WDFY4: variants seen among roughly 807,000 people sequenced by gnomAD.
WDFY4 encodes the protein WDFY family member 4, also known as WD repeat- and FYVE domain-containing protein 4.
In WDFY4, 169 loss-of-function variants were observed where a neutral mutation model predicts 351.9. That is an observed-to-expected ratio of 0.48 (90% confidence interval 0.42 to 0.55). The LOEUF is 0.55. Ranked by LOEUF, WDFY4 falls within the 20% of genes least tolerant of loss-of-function variation. WDFY4 has a pLI of 0.00. For missense variants in WDFY4, 3,803 were observed against 3,935.6 expected (o/e 0.97, Z 0.90); for synonymous variants, 1,622 against 1,574.6 (o/e 1.03, Z -0.71).
At chr10:48,703,752 C>A (rs954105181) in intron 1 of WDFY4, among the ~76,000 whole-genome samples, 1 of 152,212 alleles carries the variant, frequency 6.6e-6, no homozygotes, top group Non-Finnish European at 1.5e-5. Flanking sequence ...TACTTAGCAG[C>A]CCAAATATCA....
chr10:48,833,206 C>T (rs946725638), intron 39 of WDFY4, among the ~76,000 whole-genome samples: 7 of 143,176 alleles, frequency 4.9e-5, no homozygotes, highest in Middle Eastern at 3.9e-3. Context: ...AGATCAGGAA[C>T]GTTGTTGTAA....
At chr10:48,737,474 T>C (rs942378296) in intron 11 of WDFY4, among the ~76,000 whole-genome samples, 4 of 152,220 alleles carry the variant, frequency 2.6e-5, no homozygotes, top group African/African-American at 9.6e-5. Flanking sequence ...GTTTGTTTCA[T>C]CATACTTACT....
intron 47 of WDFY4, among the ~76,000 whole-genome samples, chr10:48,927,779 A>G (rs1422348394): frequency 1.3e-5 from 2 of 152,198 alleles, no homozygotes; most frequent in African/African-American, 4.8e-5. Context: ...CGGCCCAATA[A>G]CAAAAGATTA....
intron 39 of WDFY4, among the ~76,000 whole-genome samples, chr10:48,865,014 G>A (rs1007107698): frequency 5.9e-5 from 9 of 152,072 alleles, no homozygotes; most frequent in Non-Finnish European, 1.0e-4. Flanking sequence ...TGTGAACAGA[G>A]GTGTTTTTCT....
At chr10:48,893,065 C>T (rs1015239576) in intron 44 of WDFY4, among the ~76,000 whole-genome samples, 4 of 152,234 alleles carry the variant, frequency 2.6e-5, no homozygotes, top group Non-Finnish European at 5.9e-5. Context: ...GGCCATGCTT[C>T]CTCTGACTGC....
In WDFY4 at chr10:48,743,084, G is replaced by A. The variant is rs933999706; in HGVS notation, c.1995G>A (p.Pro665=). The change falls in exon 12 of 62, where the codon CCG becomes CCA. Residue 665 remains proline, a synonymous_variant. Coordinates refer to ENST00000325239, the MANE Select transcript of WDFY4 (RefSeq NM_001394531.1). ...TGGAAGGCTCCCTCCAGGAGCCCCC[G>A]CTGCAGGCATGGGGAGCAGTATCCC... is the stretch of plus-strand genomic sequence containing the variant. The part of the protein sequence containing the change: ...SDLEGSLQEP[P]LQAWGAVSPR... 26 of 1,551,536 alleles carry A rather than the reference G, an allele frequency of 1.7e-5. No individual in the cohort carries two copies. The highest frequency in any genetic ancestry group is 4.1e-5 in the African/African-American group (3 of 73,022).
chr10:48,923,725 T>C lies in WDFY4; in HGVS notation c.7587-18081T>C, dbSNP rs79676708. Reference sequence around the variant, plus strand: ...ACAGTAATCAGGCCCAGTCCTCAAGTTGAAATAGTTCAAATCTAGATTCTC... The same window carrying C: ...ACAGTAATCAGGCCCAGTCCTCAAGCTGAAATAGTTCAAATCTAGATTCTC... On this transcript the variant is annotated intron_variant, in intron 47 of 61. Transcript: ENST00000325239. 1.6e-3 allele frequency among the ~76,000 whole-genome samples: 240 copies of C among 152,184 alleles called. 1 individual carries two copies. The highest frequency in any genetic ancestry group is 0.014 in the Middle Eastern group (4 of 294).
intron 44 of WDFY4, among the ~76,000 whole-genome samples, chr10:48,893,273 G>C (rs1448307700): frequency 6.6e-6 from 1 of 152,136 alleles, no homozygotes; most frequent in Admixed American, 6.5e-5. Flanking sequence ...GTTGGATTTG[G>C]ACCCATCCCA....
At chr10:48,828,930 G>T (rs554350787) in intron 37 of WDFY4, 34 bp downstream of exon 37, 3,151 of 304,370 alleles carry the variant, frequency 0.01, 197 homozygotes, top group African/African-American at 0.073. Context: ...GTGTGGGCGG[G>T]GGGGGGGCGG....
At chr10:48,799,646 G>A (rs142851945) in intron 24 of WDFY4, among the ~76,000 whole-genome samples, 215 of 152,196 alleles carry the variant, frequency 1.4e-3, no homozygotes, top group Middle Eastern at 0.01. Flanking sequence ...AGTTGCGGGC[G>A]CCTGTAATCC....
rs781782254 is a variant in WDFY4 at position 48,743,432 on chromosome 10, T to C, written c.2343T>C (p.Arg781=). 2 of 1,551,188 alleles carry C rather than the reference T, an allele frequency of 1.3e-6. No individual in the cohort carries two copies. The highest frequency in any genetic ancestry group is 1.4e-5 in the African/African-American group (1 of 73,104). ...TGGCCAGCGGCACCCTCCACTTGCG[T>C]GGGGACCTGAAGGAGTCCCTGAGGA... ...DSMASGTLHL[R]GDLKESLRTK... The change falls in exon 12 of 62, where the codon CGT becomes CGC. Residue 781 remains arginine, a synonymous_variant. Transcript: ENST00000325239.
At chr10:48,797,889 G>A (rs941257814) in intron 24 of WDFY4, among the ~76,000 whole-genome samples, 2 of 152,192 alleles carry the variant, frequency 1.3e-5, no homozygotes, top group Admixed American at 6.5e-5. Context: ...AGAATGATAT[G>A]TGAGAATTTT....
intron 51 of WDFY4, among the ~76,000 whole-genome samples, chr10:48,951,381 T>C (rs1355322489): frequency 1.3e-5 from 2 of 152,130 alleles, no homozygotes; most frequent in African/African-American, 2.4e-5. Context: ...AGGGCTTATC[T>C]CCCCCAGCAG....
chr10:48,890,571 C>G lies in WDFY4; in HGVS notation c.7168-8C>G, dbSNP rs1185154968. Reference sequence around the variant, plus strand: ...GCACCACCTGACTCTGCCACTCTCTCCTTCCAGGTGACGCAGAAGTTCTCC... The same window carrying G: ...GCACCACCTGACTCTGCCACTCTCTGCTTCCAGGTGACGCAGAAGTTCTCC... On this transcript the variant is annotated splice_region_variant and splice_polypyrimidine_tract_variant and intron_variant, in intron 43 of 61. Transcript: ENST00000325239. 6.4e-7 allele frequency: 1 copy of G among 1,551,562 alleles called. No individual in the cohort carries two copies. Among genetic ancestry groups the G allele is most frequent in the Non-Finnish European group, 8.7e-7 (1 of 1,146,978 alleles).
chr10:48,772,636 G>A (rs1292104128), intron 13 of WDFY4, among the ~76,000 whole-genome samples: 7 of 144,080 alleles, frequency 4.9e-5, no homozygotes, highest in East Asian at 2.1e-4. Flanking sequence ...ATGCTGGTGC[G>A]CTGCACCCAC....
chr10:48,865,974 T>C (rs1006200586), intron 39 of WDFY4, among the ~76,000 whole-genome samples: 3 of 152,128 alleles, frequency 2.0e-5, no homozygotes, highest in Admixed American at 6.5e-5. Flanking sequence ...CCTTTCCTCT[T>C]TTTTCTTGGT....
rs781276515 is a variant in WDFY4 at position 48,774,273 on chromosome 10, GC to G, written c.2554-179del. Among the ~76,000 whole-genome samples, 205 of 136,036 alleles carry G rather than the reference GC, an allele frequency of 1.5e-3. 3 individuals carry two copies. The East Asian group carries it at 0.026, about 17-fold the overall frequency. 89.2% of individuals were successfully genotyped at this position (136,036 alleles called of 152,430 possible). Reference sequence around the variant, plus strand: ...GCCAGAGGCTGCCTCCCACAGACTTGCCCCCCGCCAGGTGAGGAGGGCACTG... The same window carrying G: ...GCCAGAGGCTGCCTCCCACAGACTTGCCCCCGCCAGGTGAGGAGGGCACTG... On this transcript the variant is annotated intron_variant, in intron 13 of 61. Transcript: ENST00000325239.
chr10:48,783,464 AT>A (rs1186500095), intron 19 of WDFY4, among the ~76,000 whole-genome samples: 1 of 151,678 alleles, frequency 6.6e-6, no homozygotes, highest in Admixed American at 6.6e-5. Context: ...ACATATTTAT[AT>A]ATGTACAATT....
chr10:48,852,418 C>T (rs895585218), intron 39 of WDFY4, among the ~76,000 whole-genome samples: 17 of 152,188 alleles, frequency 1.1e-4, no homozygotes, highest in African/African-American at 3.6e-4. Flanking sequence ...CTTTGTCAGT[C>T]ATAAAGTGCC....
Sources: allele counts gnomAD v4.1 joint callset (sites outside exome capture counted in the v4.1 genomes callset), GRCh38; gene constraint gnomAD v4.1.1; transcripts MANE v1.5; gene names NCBI Gene and HGNC (gene_info 2026-07-23, HGNC 2026-07-21).